NCKAP5: variants seen among roughly 807,000 people sequenced by gnomAD.
NCKAP5 encodes NCK associated protein 5.
Under a neutral mutation model 167.0 loss-of-function variants are expected in NCKAP5, and 92 were observed. The observed-to-expected ratio is 0.55, with a 90% confidence interval of 0.47 to 0.66. The LOEUF is 0.66. Ranked by LOEUF, NCKAP5 falls within the 30% of genes least tolerant of loss-of-function variation. The pLI is 0.00. For synonymous variants in NCKAP5, 891 were observed against 877.4 expected (o/e 1.02, Z -0.27); for missense variants, 2,378 against 2,315.0 (o/e 1.03, Z -0.56).
At position 132,872,457 on chromosome 2, in the gene NCKAP5, G is replaced by A. The variant is rs554495977; in HGVS notation, c.649-3483C>T. On this transcript the variant is annotated intron_variant, in intron 9 of 19. Coordinates refer to ENST00000409261, the MANE Select transcript of NCKAP5 (RefSeq NM_207363.3). ...GGGCGAGCAGAGGGAGGAAAAGCTG[G>A]GGCTATGGAGTTCTCTATTATTTTA... Among the ~76,000 whole-genome samples, 5 of 152,278 alleles carry A rather than the reference G, an allele frequency of 3.3e-5. No individual in the cohort carries two copies. In the East Asian group the frequency reaches 9.6e-4, roughly 29 times the overall value.
chr2:133,106,252 C>G (rs1396639129), intron 6 of NCKAP5, among the ~76,000 whole-genome samples: 1 of 137,308 alleles, frequency 7.3e-6, no homozygotes, highest in Non-Finnish European at 1.5e-5. Context: ...GAGATGCCAC[C>G]ATTGCACTCC....
At chr2:133,181,847 C>T (rs185601003) in intron 5 of NCKAP5, among the ~76,000 whole-genome samples, 4 of 152,036 alleles carry the variant, frequency 2.6e-5, no homozygotes, top group East Asian at 1.9e-4. Flanking sequence ...ACATGACAGA[C>T]ACAAGTAAGT....
chr2:132,681,758 A>C (rs1381011773), intron 19 of NCKAP5, among the ~76,000 whole-genome samples: 1 of 152,182 alleles, frequency 6.6e-6, no homozygotes, highest in African/African-American at 2.4e-5. Flanking sequence ...AGGGAAAAAC[A>C]TTTTATGTTA....
intron 3 of NCKAP5, among the ~76,000 whole-genome samples, chr2:133,514,855 C>T (rs1018203498): frequency 6.6e-6 from 1 of 151,844 alleles, no homozygotes; most frequent in Non-Finnish European, 1.5e-5. Context: ...GAGCAGATAA[C>T]CTCTCTGGGC....
At chr2:132,738,799 A>G (rs1342461282) in intron 16 of NCKAP5, among the ~76,000 whole-genome samples, 1 of 151,796 alleles carries the variant, frequency 6.6e-6, no homozygotes, top group Non-Finnish European at 1.5e-5. Context: ...TTACATGGTG[A>G]GAGAGGGGGG....
At chr2:133,172,111 C>T (rs2084274133) in intron 5 of NCKAP5, among the ~76,000 whole-genome samples, 1 of 152,182 alleles carries the variant, frequency 6.6e-6, no homozygotes, top group Non-Finnish European at 1.5e-5. Context: ...CAACTATATA[C>T]CTATTTATCA....
At chr2:133,437,871 G>A (rs966289072) in intron 3 of NCKAP5, among the ~76,000 whole-genome samples, 1 of 152,164 alleles carries the variant, frequency 6.6e-6, no homozygotes, top group African/African-American at 2.4e-5. Flanking sequence ...AGTTTAGCAT[G>A]GTGCCTGTCA....
chr2:132,933,837 G>T (rs1181911332), intron 8 of NCKAP5, among the ~76,000 whole-genome samples: 1 of 152,086 alleles, frequency 6.6e-6, no homozygotes, highest in Non-Finnish European at 1.5e-5. Flanking sequence ...GAAAAGAATT[G>T]TATTTTCAGA....
At chr2:133,313,173 G>T (rs980719235) in intron 3 of NCKAP5, among the ~76,000 whole-genome samples, 1 of 152,068 alleles carries the variant, frequency 6.6e-6, no homozygotes, top group African/African-American at 2.4e-5. Context: ...CCCCTCCACC[G>T]CAGCCCTCTC....
At chr2:132,709,600 C>T (rs2709541) in intron 19 of NCKAP5, among the ~76,000 whole-genome samples, 93,860 of 151,870 alleles carry the variant, frequency 0.62, 29,289 homozygotes, top group East Asian at 0.85. Context: ...GGATATATTC[C>T]CATATAATTT....
chr2:132,860,640 A>T (rs757320488), intron 10 of NCKAP5, 29 bp from the exon 11 acceptor site: 26 of 1,551,744 alleles, frequency 1.7e-5, no homozygotes, highest in South Asian at 2.4e-5. Context: ...AGGAGGAAAA[A>T]GTCCATAACT....
intron 16 of NCKAP5, among the ~76,000 whole-genome samples, chr2:132,770,286 C>G (rs1681915135): frequency 6.6e-6 from 1 of 151,356 alleles, no homozygotes; most frequent in South Asian, 2.1e-4. Flanking sequence ...CTACACATCT[C>G]TTTCATGTTT....
intron 16 of NCKAP5, among the ~76,000 whole-genome samples, chr2:132,753,909 A>G (rs1680318855): frequency 6.6e-6 from 1 of 152,176 alleles, no homozygotes; most frequent in Admixed American, 6.5e-5. Context: ...ACAGCTCCAG[A>G]AGCAGCTCAG....
chr2:133,166,552 ATTATTGCCTTAGGCCAGCT>A (rs1351995729), intron 5 of NCKAP5, among the ~76,000 whole-genome samples: 2 of 152,120 alleles, frequency 1.3e-5, no homozygotes, highest in Non-Finnish European at 2.9e-5. Context: ...TGTCTTTTGC[ATTATTGCCTTAGGCCAGCT>A]TTTCCTACCT....
At chr2:132,953,527 A>C (rs1425174315) in intron 8 of NCKAP5, among the ~76,000 whole-genome samples, 1 of 152,100 alleles carries the variant, frequency 6.6e-6, no homozygotes, top group East Asian at 1.9e-4. Flanking sequence ...CAACAATGTG[A>C]GTATCTCAAG....
intron 3 of NCKAP5, among the ~76,000 whole-genome samples, chr2:133,390,407 C>A (rs757234456): frequency 1.1e-4 from 16 of 152,334 alleles, no homozygotes; most frequent in Non-Finnish European, 2.1e-4. Context: ...CCACACACGA[C>A]CCGATACCCT....
At chr2:132,846,507 G>C (rs1050864289) in intron 11 of NCKAP5, among the ~76,000 whole-genome samples, 2 of 152,018 alleles carry the variant, frequency 1.3e-5, no homozygotes, top group African/African-American at 2.4e-5. Flanking sequence ...GTCTTGCGAT[G>C]TTGGCCAGGT....
chr2:133,406,596 G>T (rs1688449817), intron 3 of NCKAP5, among the ~76,000 whole-genome samples: 1 of 145,996 alleles, frequency 6.8e-6, no homozygotes. Flanking sequence ...AAGGAAGGGA[G>T]GGAGGGAGGG....
At chr2:133,611,067 A>T in the NCKAP5 span, among the ~76,000 whole-genome samples, 1 of 152,014 alleles carries the variant, frequency 6.6e-6, no homozygotes, top group South Asian at 2.1e-4. Flanking sequence ...GTGACCTCCT[A>T]CCCAGAGAAG....
Sources: gnomAD v4.1 joint callset for allele counts (sites outside exome capture counted in the v4.1 genomes callset) on GRCh38, gnomAD v4.1.1 for gene constraint, MANE v1.5 for transcripts, NCBI Gene and HGNC (gene_info 2026-07-23, HGNC 2026-07-21) for gene names.